LBHD1: variants seen among roughly 807,000 people sequenced by gnomAD.
LBHD1 encodes LBH domain-containing protein 1.
In LBHD1, 28 loss-of-function variants were observed where a neutral mutation model predicts 31.1. The observed-to-expected ratio is 0.90, with a 90% confidence interval of 0.67 to 1.24. LBHD1 has a LOEUF of 1.24. LBHD1 is among the 50% of genes most tolerant of loss of function. The pLI is 0.00. For synonymous variants in LBHD1, 105 were observed against 116.5 expected, an observed-to-expected ratio of 0.90 and a Z score of 0.63; for missense variants, 350 against 323.0, an observed-to-expected ratio of 1.08 and a Z score of -0.64.
At chr11:62,666,360 C>CA in intron 4 of LBHD1, 1 of 1,600,630 alleles carries the variant, frequency 6.2e-7, no homozygotes, top group Non-Finnish European at 8.5e-7. Flanking sequence ...GCAGTGGCGA[C>CA]ATAGACCAAG....
At chr11:62,665,359 C>A in intron 4 of LBHD1, 1 of 892,160 alleles carries the variant, frequency 1.1e-6, no homozygotes, top group East Asian at 2.6e-5. Context: ...CTGTAGTAGC[C>A]AGATTGGGCG....
In LBHD1 at chr11:62,664,399, C is replaced by T. The variant is rs918840088; in HGVS notation, c.663+450G>A. Among the ~76,000 whole-genome samples, 7 of 141,646 alleles carry T rather than the reference C, an allele frequency of 4.9e-5. No homozygotes were observed. The South Asian group carries it at 1.3e-3, about 27-fold the overall frequency. The allele number at this position is 141,646 out of a possible 152,430, so 92.9% of individuals were successfully genotyped here. ...AGGCTGGAGTGCAGTGGCGTGATCT[C>T]GGCTCACTGCAACCTCCGCCTCCCA... is the stretch of plus-strand genomic sequence containing the variant. On this transcript the variant is annotated intron_variant, in intron 5 of 6. Transcript: ENST00000354588.
rs1944951412 is a variant in LBHD1, at chr11:62,671,843, G to A, written c.-290C>T. On this transcript the variant is annotated 5_prime_UTR_variant, in exon 1 of 7. Transcript: ENST00000354588. The stretch of plus-strand genomic sequence containing the variant: ...CTCGTTATCGTGACCCCGGGAGAGC[G>A]GCGGAAGCAGGAAATGCTAAAGGTA... 3 of 1,614,036 alleles carry A rather than the reference G, an allele frequency of 1.9e-6. No homozygotes were observed. The highest frequency in any genetic ancestry group is 1.3e-5 in the African/African-American group (1 of 74,934).
intron 1 of LBHD1, chr11:62,671,138 C>A: frequency 2.7e-6 from 1 of 363,838 alleles, no homozygotes; most frequent in South Asian, 2.1e-5. Flanking sequence ...CTAACAACAA[C>A]AACAAAACCA....
intron 4 of LBHD1, 168 bp from the exon 5 acceptor site, chr11:62,665,141 C>T (rs1338884752): frequency 6.8e-6 from 7 of 1,023,620 alleles, no homozygotes; most frequent in Admixed American, 4.0e-5. Flanking sequence ...CGTTCGGGGC[C>T]GGTTGATCTT....
chr11:62,671,203 G>A (rs1944933705), intron 1 of LBHD1: 1 of 454,770 alleles, frequency 2.2e-6, no homozygotes, highest in East Asian at 7.0e-5. Context: ...GGAATAGGTT[G>A]TTTGTAAAAT....
intron 4 of LBHD1, chr11:62,666,076 G>C: frequency 9.3e-7 from 1 of 1,079,484 alleles, no homozygotes; most frequent in Non-Finnish European, 1.3e-6. Flanking sequence ...GGCCGTGCGT[G>C]GTGGCTCACG....
intron 2 of LBHD1, 39 bp downstream of exon 2, chr11:62,669,843 G>A (rs1944907117): frequency 6.2e-7 from 1 of 1,614,082 alleles, no homozygotes; most frequent in Non-Finnish European, 8.5e-7. Flanking sequence ...AAACTGGAGG[G>A]TAAGCCAGCT....
Position 62,669,675 on chromosome 11 carries a change from A to G in LBHD1, c.279T>C (p.Ala93=), listed in dbSNP as rs1012874249. The G allele has an allele frequency of 1.2e-6, 2 of 1,614,172 alleles. No individual in the cohort carries two copies. The highest frequency in any genetic ancestry group is 1.7e-6 in the Non-Finnish European group (2 of 1,179,996). ...LLLTDGEEED[A]EAFFQDQSEE... ...CACTTTGGTCTTGGAAGAAGGCCTC[A>G]GCATCCTCTTCCTCACCATCAGTGA... The change falls in exon 3 of 7, where the codon GCT becomes GCC. Residue 93 remains alanine, a synonymous_variant. Coordinates refer to ENST00000354588, the MANE Select transcript of LBHD1 (RefSeq NM_024099.5).
intron 4 of LBHD1, chr11:62,666,907 C>A (rs1256403627): frequency 6.2e-7 from 1 of 1,613,694 alleles, no homozygotes; most frequent in African/African-American, 1.3e-5. Flanking sequence ...CTCAGGGGAC[C>A]CTGATTCAGT....
chr11:62,670,350 C>G, intron 1 of LBHD1: 1 of 351,378 alleles, frequency 2.8e-6, no homozygotes, highest in Admixed American at 4.3e-5. Flanking sequence ...TTTTTCCCAA[C>G]CTGGTATGTT....
chr11:62,669,779 G>T lies in LBHD1; in HGVS notation c.175C>A (p.Pro59Thr), dbSNP rs1448536707. 1 of 1,614,186 alleles carries T rather than the reference G, an allele frequency of 6.2e-7. No homozygotes were observed. The highest frequency in any genetic ancestry group is 2.2e-5 in the East Asian group (1 of 44,882). Residue 59 changes from proline (P) to threonine (T), a missense_variant, in exon 3 of 7, where the codon CCG (proline) becomes ACG (threonine). By Grantham distance (38) the Pro-to-Thr change is conservative. Transcript: ENST00000354588. Reference protein sequence around the residue: ...IQDFSQKSHLPSIVVESSEVN... With the variant: ...IQDFSQKSHLTSIVVESSEVN... ...TCACTGGATTCCACCACAATAGACGGCAGATGGGACTTTTGAGAGAAATCC... is the reference window on the plus strand; with the variant it reads ...TCACTGGATTCCACCACAATAGACGTCAGATGGGACTTTTGAGAGAAATCC...
At position 62,665,905 on chromosome 11, in the gene LBHD1, A is replaced by G. The variant is rs778207562; in HGVS notation, c.539-932T>C. On this transcript the variant is annotated intron_variant, in intron 4 of 6. Coordinates refer to ENST00000354588, the MANE Select transcript of LBHD1 (RefSeq NM_024099.5). Reference sequence around the variant, plus strand: ...ATGGCCGCGCTGCGTCGAATGCTCCACTTGCCGAGCCTGATGATGGGGACG... The same window carrying G: ...ATGGCCGCGCTGCGTCGAATGCTCCGCTTGCCGAGCCTGATGATGGGGACG... 5 of 1,613,190 alleles carry G rather than the reference A, an allele frequency of 3.1e-6. No homozygotes were observed. In the South Asian group the frequency reaches 4.4e-5, roughly 14 times the overall value.
At chr11:62,671,383 G>A (rs1341301031) in intron 1 of LBHD1, 181 bp downstream of exon 1, 28 of 1,267,258 alleles carry the variant, frequency 2.2e-5, no homozygotes, top group Non-Finnish European at 2.8e-5. Flanking sequence ...AGCACAGCTC[G>A]GGCCTCTACT....
intron 4 of LBHD1, 96 bp from the exon 5 acceptor site, chr11:62,665,069 G>C: frequency 1.3e-6 from 2 of 1,551,194 alleles, no homozygotes; most frequent in Non-Finnish European, 1.7e-6. Context: ...ATCCCATCTC[G>C]TGCGAGATAA....
Position 62,671,711 on chromosome 11 carries a change from C to T in LBHD1, c.-158G>A, listed in dbSNP as rs755682649. On this transcript the variant is annotated 5_prime_UTR_variant, in exon 1 of 7. Coordinates refer to ENST00000354588, the MANE Select transcript of LBHD1 (RefSeq NM_024099.5). ...GGCAACAGCTTGCGGCTGCGGGGAG[C>T]TCCCGTGGGCGCTCCGCTGGCTGTG... 1.9e-6 allele frequency: 3 copies of T among 1,608,018 alleles called. No homozygotes were observed. The highest frequency in any genetic ancestry group is 1.7e-6 in the Non-Finnish European group (2 of 1,177,080).
rs1296531281 is a variant in LBHD1 at position 62,671,956 on chromosome 11, A to G, written c.-403T>C. On this transcript the variant is annotated 5_prime_UTR_variant, in exon 1 of 7. Coordinates refer to ENST00000354588, the MANE Select transcript of LBHD1 (RefSeq NM_024099.5). Reference sequence around the variant, plus strand: ...GAACTCCCCTTCCTGCCCTCAGGAGATGCCACTGCAGGACCCAAGGAGCAG... The same window carrying G: ...GAACTCCCCTTCCTGCCCTCAGGAGGTGCCACTGCAGGACCCAAGGAGCAG... 1 of 1,613,908 alleles carries G rather than the reference A, an allele frequency of 6.2e-7. No individual in the cohort carries two copies. The highest frequency in any genetic ancestry group is 1.1e-5 in the South Asian group (1 of 91,078).
At chr11:62,665,724 G>T in intron 4 of LBHD1, 3 of 1,463,662 alleles carry the variant, frequency 2.0e-6, no homozygotes, top group Non-Finnish European at 2.7e-6. Context: ...CTGTGTCCGC[G>T]TTCTTTTTTC....
chr11:62,665,877 C>G, intron 4 of LBHD1: 1 of 1,613,194 alleles, frequency 6.2e-7, no homozygotes, highest in Non-Finnish European at 8.5e-7. Flanking sequence ...CCCGAATCTC[C>G]AGATGGCCGC....
Sources: gnomAD v4.1 joint callset for allele counts (sites outside exome capture counted in the v4.1 genomes callset) on GRCh38, gnomAD v4.1.1 for gene constraint, MANE v1.5 for transcripts, NCBI Gene and HGNC (gene_info 2026-07-23, HGNC 2026-07-21) for gene names.